Variants in TRIO observed in about 807,000 individuals in gnomAD.
TRIO encodes trio Rho guanine nucleotide exchange factor.
In TRIO, 58 loss-of-function variants were observed where a neutral mutation model predicts 351.9. The ratio of observed to expected loss-of-function variants is 0.16; its 90% CI spans 0.13 to 0.21. The LOEUF is 0.21. Ranked by LOEUF, TRIO falls within the 10% of genes least tolerant of loss-of-function variation. The pLI, the probability that TRIO is intolerant of heterozygous loss-of-function variation, is 1.00. For synonymous variants in TRIO, 1,758 were observed against 1,595.7 expected, an observed-to-expected ratio of 1.10 and a Z score of -2.42; for missense variants, 3,201 against 4,027.8, an observed-to-expected ratio of 0.79 and a Z score of 5.56.
intron 1 of TRIO, among the ~76,000 whole-genome samples, chr5:14,222,893 C>T (rs552017931): frequency 7.9e-5 from 12 of 152,304 alleles, no homozygotes; most frequent in Middle Eastern, 3.4e-3. Flanking sequence ...CTTGCCCTTC[C>T]TACTTGGAGA....
At chr5:14,328,165 A>G (rs898671477) in intron 9 of TRIO, among the ~76,000 whole-genome samples, 2 of 152,232 alleles carry the variant, frequency 1.3e-5, no homozygotes, top group Non-Finnish European at 2.9e-5. Flanking sequence ...TACGCTAGTT[A>G]AAACAAAGCA....
chr5:14,488,825 C>G (rs887566140), intron 48 of TRIO: 2 of 664,808 alleles, frequency 3.0e-6, no homozygotes, highest in Non-Finnish European at 5.5e-6. Context: ...TTTACGTCAC[C>G]GTGTTGCTCT....
chr5:14,466,030 G>A (rs114659104), intron 37 of TRIO: 2,777 of 241,460 alleles, frequency 0.012, 59 homozygotes, highest in African/African-American at 0.057. Context: ...GGGCTCAGAC[G>A]CATATGGCTG....
intron 1 of TRIO, among the ~76,000 whole-genome samples, chr5:14,146,145 A>G (rs1358022128): frequency 1.4e-5 from 2 of 147,756 alleles, no homozygotes; most frequent in Non-Finnish European, 3.0e-5. Context: ...AACGATGTCT[A>G]GCAGGGGGCA....
intron 34 of TRIO, among the ~76,000 whole-genome samples, chr5:14,422,368 C>G (rs886936402): frequency 6.6e-6 from 1 of 152,214 alleles, no homozygotes; most frequent in East Asian, 1.9e-4. Context: ...CACCTTCATT[C>G]AGTTCTAGTG....
At chr5:14,221,295 A>C in intron 1 of TRIO, among the ~76,000 whole-genome samples, 1 of 152,248 alleles carries the variant, frequency 6.6e-6, no homozygotes, top group East Asian at 1.9e-4. Context: ...TCTTGTGTAG[A>C]TGTATAAGAA....
intron 34 of TRIO, among the ~76,000 whole-genome samples, chr5:14,443,676 A>G (rs1170829078): frequency 6.6e-6 from 1 of 152,208 alleles, no homozygotes; most frequent in African/African-American, 2.4e-5. Context: ...CCCTGTCCAA[A>G]TGTGAACCAG....
chr5:14,364,061 A>G, intron 14 of TRIO, 134 bp downstream of exon 14: 1 of 848,818 alleles, frequency 1.2e-6, no homozygotes, highest in Non-Finnish European at 1.7e-6. Context: ...TGTTCTTTAA[A>G]AGAACGTTTG....
intron 1 of TRIO, among the ~76,000 whole-genome samples, chr5:14,150,345 G>A (rs1032803697): frequency 6.6e-6 from 1 of 152,050 alleles, no homozygotes; most frequent in Non-Finnish European, 1.5e-5. Flanking sequence ...CAGGAGGCAG[G>A]TGAAGGATGG....
At chr5:14,323,685 C>CT (rs1740106209) in intron 9 of TRIO, among the ~76,000 whole-genome samples, 1 of 152,216 alleles carries the variant, frequency 6.6e-6, no homozygotes, top group Non-Finnish European at 1.5e-5. Flanking sequence ...TCTCCCTGAG[C>CT]TTGGCCTCCG....
chr5:14,163,322 C>A (rs1788583735), intron 1 of TRIO, among the ~76,000 whole-genome samples: 1 of 152,222 alleles, frequency 6.6e-6, no homozygotes, highest in South Asian at 2.1e-4. Flanking sequence ...CTTCCCACTT[C>A]ATCCATGTCC....
rs1757532218 is a variant in TRIO, at chr5:14,504,597, C to T, written c.8612+4C>T. On this transcript the variant is annotated splice_donor_region_variant and intron_variant, in intron 55 of 56. Coordinates refer to ENST00000344204, the MANE Select transcript of TRIO (RefSeq NM_007118.4). ...GCTACATCCTGGTCTTAGAAATGTG[C>T]GTACACACCTGGCCTTCCCTCTGCC... 5.0e-6 allele frequency: 8 copies of T among 1,613,910 alleles called. No individual in the cohort carries two copies. The highest frequency in any genetic ancestry group is 1.3e-5 in the African/African-American group (1 of 75,030).
intron 45 of TRIO, 102 bp downstream of exon 45, chr5:14,481,720 T>C (rs1011033061): frequency 2.0e-5 from 23 of 1,173,890 alleles, no homozygotes; most frequent in Non-Finnish European, 2.6e-5. Flanking sequence ...CCTTTTCACT[T>C]GGTTTTCTGG....
intron 1 of TRIO, among the ~76,000 whole-genome samples, chr5:14,265,966 G>T (rs1022356358): frequency 1.3e-5 from 2 of 152,164 alleles, no homozygotes; most frequent in African/African-American, 4.8e-5. Context: ...GGGTTCTTGG[G>T]TAGGGGTTCA....
At chr5:14,310,619 G>A (rs1272481992) in intron 8 of TRIO, among the ~76,000 whole-genome samples, 3 of 152,216 alleles carry the variant, frequency 2.0e-5, no homozygotes, top group Admixed American at 2.0e-4. Context: ...ACCTGGATAG[G>A]AAACTTCTTA....
chr5:14,346,583 G>A (rs1170342059), intron 11 of TRIO, among the ~76,000 whole-genome samples: 2 of 152,208 alleles, frequency 1.3e-5, no homozygotes, highest in African/African-American at 4.8e-5. Flanking sequence ...TTAATCCTAG[G>A]CAGAGTTCTA....
chr5:14,289,228 T>C lies in TRIO; in HGVS notation c.541-1488T>C, dbSNP rs1033196663. Among the ~76,000 whole-genome samples, 8 of 151,978 alleles carry C rather than the reference T, an allele frequency of 5.3e-5. No individual in the cohort carries two copies. In the Middle Eastern group the frequency reaches 0.01, roughly 194 times the overall value. On this transcript the variant is annotated intron_variant, in intron 4 of 56. Coordinates refer to ENST00000344204, the MANE Select transcript of TRIO (RefSeq NM_007118.4). The stretch of plus-strand genomic sequence containing the variant: ...GGTGAAACTCCATCTCTACTAAAAA[T>C]ACAAAAATTAGCTGAGCGTGGTGTA...
intron 34 of TRIO, among the ~76,000 whole-genome samples, chr5:14,436,185 G>A (rs1336900075): frequency 6.6e-6 from 1 of 152,214 alleles, no homozygotes; most frequent in Non-Finnish European, 1.5e-5. Flanking sequence ...TGACTGGGGA[G>A]GCGTCACAAT....
intron 1 of TRIO, among the ~76,000 whole-genome samples, chr5:14,201,265 A>C (rs1387098052): frequency 6.6e-6 from 1 of 152,208 alleles, no homozygotes; most frequent in Non-Finnish European, 1.5e-5. Context: ...CATCTCAAAA[A>C]ATAAAAAATA....
Sources: gnomAD v4.1 joint callset for allele counts (sites outside exome capture counted in the v4.1 genomes callset) on GRCh38, gnomAD v4.1.1 for gene constraint, MANE v1.5 for transcripts, NCBI Gene and HGNC (gene_info 2026-07-23, HGNC 2026-07-21) for gene names.